CTNNA2: variants seen among roughly 807,000 people sequenced by gnomAD.
The protein encoded by CTNNA2 is catenin alpha-2.
CTNNA2 carries 42 observed loss-of-function variants against 101.0 expected under a neutral mutation model. That is an observed-to-expected ratio of 0.42 (90% CI 0.32 to 0.54). CTNNA2 has a LOEUF of 0.54. Ranked by LOEUF, CTNNA2 falls within the 20% of genes least tolerant of loss-of-function variation. The pLI is 0.14. For synonymous variants in CTNNA2, 450 were observed against 456.4 expected, an observed-to-expected ratio of 0.99 and a Z score of 0.18; for missense variants, 871 against 1,223.1, an observed-to-expected ratio of 0.71 and a Z score of 4.29.
chr2:79,835,626 G>T (rs1327076194), intron 3 of CTNNA2, among the ~76,000 whole-genome samples: 1 of 146,208 alleles, frequency 6.8e-6, no homozygotes, highest in South Asian at 2.2e-4. Context: ...AAGCCTAAAG[G>T]ATCCTTGCCA....
chr2:80,241,704 T>A (rs183152770), intron 7 of CTNNA2, among the ~76,000 whole-genome samples: 276 of 152,244 alleles, frequency 1.8e-3, no homozygotes, highest in African/African-American at 6.4e-3. Flanking sequence ...TTTAACTAAC[T>A]CTAGGTTAAT....
intron 2 of CTNNA2, among the ~76,000 whole-genome samples, chr2:79,707,252 C>T (rs1251967138): frequency 1.3e-5 from 2 of 152,106 alleles, no homozygotes; most frequent in African/African-American, 4.8e-5. Context: ...CCTTTGTGCA[C>T]ACCATAAACT....
intron 7 of CTNNA2, among the ~76,000 whole-genome samples, chr2:80,032,902 T>C (rs772705479): frequency 2.0e-5 from 3 of 151,992 alleles, no homozygotes. Context: ...CCTGTAATCC[T>C]ATCACTTTGG....
rs144614147 is a variant in CTNNA2, at chr2:80,013,184, A to C, written c.1056+103387A>C. 9.3e-3 allele frequency among the ~76,000 whole-genome samples: 1,414 copies of C among 152,184 alleles called. 18 individuals carry two copies. The highest frequency in any genetic ancestry group is 0.032 in the African/African-American group (1,328 of 41,512). The stretch of plus-strand genomic sequence containing the variant: ...TTGCCTAAAAAAGAAAAAAAAGTCC[A>C]AAACAGTCTCAAAGAGGCCTGCAAA... On this transcript the variant is annotated intron_variant, in intron 7 of 18. Coordinates refer to ENST00000402739, the MANE Select transcript of CTNNA2 (RefSeq NM_001282597.3).
chr2:80,347,838 C>CT (rs778989197), intron 7 of CTNNA2, among the ~76,000 whole-genome samples: 4 of 146,864 alleles, frequency 2.7e-5, no homozygotes, highest in Non-Finnish European at 4.5e-5. Context: ...TTTTTCTTTT[C>CT]TTTTCTTTTT....
chr2:79,781,552 T>G (rs1043788201), intron 3 of CTNNA2, among the ~76,000 whole-genome samples: 1 of 152,204 alleles, frequency 6.6e-6, no homozygotes, highest in Non-Finnish European at 1.5e-5. Context: ...CAAGACATGC[T>G]CTTATGAGAT....
intron 7 of CTNNA2, among the ~76,000 whole-genome samples, chr2:79,981,868 A>T (rs528644969): frequency 6.6e-6 from 1 of 152,160 alleles, no homozygotes; most frequent in Admixed American, 6.6e-5. Context: ...GCAAACTTTG[A>T]TTTAAACCTG....
intron 1 of CTNNA2, among the ~76,000 whole-genome samples, chr2:79,650,743 G>A (rs1444204077): frequency 6.7e-6 from 1 of 149,984 alleles, no homozygotes; most frequent in Non-Finnish European, 1.5e-5. Context: ...CCACTAACTC[G>A]TCATCTAGCA....
At chr2:80,226,854 T>G (rs908500403) in intron 7 of CTNNA2, among the ~76,000 whole-genome samples, 1 of 152,114 alleles carries the variant, frequency 6.6e-6, no homozygotes, top group Non-Finnish European at 1.5e-5. Context: ...CCCCTCCAGC[T>G]CATCTCCAGG....
chr2:80,646,426 C>T (rs536383277), intron 18 of CTNNA2, among the ~76,000 whole-genome samples: 34 of 152,200 alleles, frequency 2.2e-4, no homozygotes, highest in Non-Finnish European at 4.3e-4. Flanking sequence ...ATTTGCAGTT[C>T]AGCTGTTAAT....
intron 7 of CTNNA2, among the ~76,000 whole-genome samples, chr2:80,089,236 A>T (rs1012117016): frequency 2.6e-5 from 4 of 151,918 alleles, no homozygotes; most frequent in African/African-American, 9.7e-5. Flanking sequence ...AATCTTCTAG[A>T]ATTGTGGGAG....
At chr2:79,615,205 T>C (rs1489006942) in intron 1 of CTNNA2, among the ~76,000 whole-genome samples, 1 of 152,058 alleles carries the variant, frequency 6.6e-6, no homozygotes, top group Non-Finnish European at 1.5e-5. Flanking sequence ...TATTTTTCTC[T>C]TAATAAATTC....
intron 1 of CTNNA2, among the ~76,000 whole-genome samples, chr2:79,642,526 CAA>C (rs2104427109): frequency 6.6e-6 from 1 of 152,198 alleles, no homozygotes; most frequent in South Asian, 2.1e-4. Context: ...TCGTTATAGT[CAA>C]AGTTAGGGGA....
intron 2 of CTNNA2, among the ~76,000 whole-genome samples, chr2:79,210,650 A>C (rs1291809856): frequency 6.6e-6 from 1 of 152,134 alleles, no homozygotes; most frequent in Non-Finnish European, 1.5e-5. Flanking sequence ...GAAGGTCTTC[A>C]TGTCCCCTCT....
intron 7 of CTNNA2, among the ~76,000 whole-genome samples, chr2:79,982,377 C>CAT (rs757309908): frequency 0.36 from 24,949 of 69,784 alleles, 3,225 homozygotes; most frequent in African/African-American, 0.51. Context: ...ATATATATAA[C>CAT]ATATATAACA....
chr2:79,427,519 T>C (rs1558664408), intron 4 of CTNNA2, among the ~76,000 whole-genome samples: 1 of 152,062 alleles, frequency 6.6e-6, no homozygotes, highest in Non-Finnish European at 1.5e-5. Flanking sequence ...ATCTAAACTG[T>C]ATATGAATTT....
At chr2:80,516,926 T>C (rs1201322032) in intron 9 of CTNNA2, among the ~76,000 whole-genome samples, 4 of 152,214 alleles carry the variant, frequency 2.6e-5, no homozygotes, top group Non-Finnish European at 5.9e-5. Context: ...TTTATTTCTT[T>C]GCTTCATTCC....
In CTNNA2 at chr2:79,669,271, C is replaced by G. The variant is rs547375822; in HGVS notation, c.102+17613C>G. 7.2e-5 allele frequency among the ~76,000 whole-genome samples: 11 copies of G among 152,296 alleles called. No homozygotes were observed. In the East Asian group the frequency reaches 2.1e-3, roughly 29 times the overall value. On this transcript the variant is annotated intron_variant, in intron 2 of 18. Coordinates refer to ENST00000402739, the MANE Select transcript of CTNNA2 (RefSeq NM_001282597.3). ...GTCAAATATCTGCTAGTTGAAACCA[C>G]CAGATGCAAATGTTTTAAGTTTCTT... is the stretch of plus-strand genomic sequence containing the variant.
intron 4 of CTNNA2, chr2:79,500,707 G>T (rs553546828): frequency 6.6e-6 from 1 of 152,154 alleles, no homozygotes; most frequent in Admixed American, 6.6e-5. Flanking sequence ...ATTGTCTCAC[G>T]GGAGAAGCTA....
Sources: gnomAD v4.1 joint callset for allele counts (sites outside exome capture counted in the v4.1 genomes callset) on GRCh38, gnomAD v4.1.1 for gene constraint, MANE v1.5 for transcripts, NCBI Gene and HGNC (gene_info 2026-07-23, HGNC 2026-07-21) for gene names.